HPSE2: variants seen among roughly 807,000 people sequenced by gnomAD.
The protein encoded by HPSE2 is inactive heparanase-2.
In HPSE2, 38 loss-of-function variants were observed where a neutral mutation model predicts 60.5. That is an observed-to-expected ratio of 0.63 (90% CI 0.48 to 0.82). The LOEUF is 0.82. Among genes scored for constraint, HPSE2 ranks in the 40% least tolerant of loss-of-function variants. The pLI is 0.00. For synonymous variants in HPSE2, 295 were observed against 293.2 expected, an observed-to-expected ratio of 1.01 and a Z score of -0.06; for missense variants, 713 against 740.4, an observed-to-expected ratio of 0.96 and a Z score of 0.43.
chr10:98,865,071 C>A (rs1952555714), intron 3 of HPSE2, among the ~76,000 whole-genome samples: 1 of 151,954 alleles, frequency 6.6e-6, no homozygotes. Context: ...AAAATGTTGG[C>A]ATTAAAAAGA....
the HPSE2 span, among the ~76,000 whole-genome samples, chr10:99,305,908 G>T: frequency 6.7e-6 from 1 of 149,204 alleles, no homozygotes; most frequent in East Asian, 2.0e-4. Context: ...CCTAACAGAA[G>T]ACAGGATAGT....
At chr10:98,852,158 T>TGG (rs1952196090) in intron 3 of HPSE2, among the ~76,000 whole-genome samples, 1 of 130,032 alleles carries the variant, frequency 7.7e-6, no homozygotes, top group Non-Finnish European at 1.6e-5. Flanking sequence ...TGTGTGTGTG[T>TGG]GTGTGTGTAT....
chr10:98,643,150 GC>G (rs2134039989), intron 6 of HPSE2, among the ~76,000 whole-genome samples: 1 of 152,266 alleles, frequency 6.6e-6, no homozygotes, highest in South Asian at 2.1e-4. Context: ...AGCAAATTTG[GC>G]TTTTAGCCAG....
chr10:98,848,395 G>A (rs917425412), intron 3 of HPSE2, among the ~76,000 whole-genome samples: 1 of 151,690 alleles, frequency 6.6e-6, no homozygotes, highest in Non-Finnish European at 1.5e-5. Flanking sequence ...TCCAGCCTGG[G>A]TGACAGATTG....
chr10:98,527,772 C>A (rs80246753), intron 9 of HPSE2, among the ~76,000 whole-genome samples: 4,833 of 152,216 alleles, frequency 0.032, 145 homozygotes, highest in African/African-American at 0.083. Context: ...ACAGTGTTGG[C>A]ACAAGGCTGG....
At chr10:98,665,412 A>C (rs561168827) in intron 6 of HPSE2, among the ~76,000 whole-genome samples, 1 of 152,310 alleles carries the variant, frequency 6.6e-6, no homozygotes, top group South Asian at 2.1e-4. Flanking sequence ...GGATGTGGAC[A>C]TGCAAATTCA....
intron 3 of HPSE2, among the ~76,000 whole-genome samples, chr10:98,767,178 G>C (rs1204029759): frequency 6.6e-6 from 1 of 152,076 alleles, no homozygotes; most frequent in Non-Finnish European, 1.5e-5. Flanking sequence ...TCTCTCTCCA[G>C]AGAAGCTTTT....
At chr10:98,751,489 T>G (rs894406403) in intron 3 of HPSE2, among the ~76,000 whole-genome samples, 4 of 152,248 alleles carry the variant, frequency 2.6e-5, no homozygotes, top group African/African-American at 9.6e-5. Flanking sequence ...TTTATTCTTT[T>G]GCAACCTTCA....
In HPSE2 at chr10:99,218,067, G is replaced by A. The variant is rs147709762; in HGVS notation, c.448+14281C>T. Among the ~76,000 whole-genome samples, 315 of 152,084 alleles carry A rather than the reference G, an allele frequency of 2.1e-3. 2 individuals are homozygous for A. Among genetic ancestry groups the A allele is most frequent in the Non-Finnish European group, 2.5e-3 (173 of 67,968 alleles). On this transcript the variant is annotated intron_variant, in intron 2 of 11. Coordinates refer to ENST00000370552, the MANE Select transcript of HPSE2 (RefSeq NM_021828.5). Reference sequence around the variant, plus strand: ...GGTCCAGTACTTGTAACATTTAAGTGATCAACAAATGGTAGTTATTATTAT... The same window carrying A: ...GGTCCAGTACTTGTAACATTTAAGTAATCAACAAATGGTAGTTATTATTAT...
chr10:99,104,702 C>T (rs61219490), intron 3 of HPSE2, among the ~76,000 whole-genome samples: 1,718 of 152,172 alleles, frequency 0.011, 35 homozygotes, highest in African/African-American at 0.039. Flanking sequence ...GAAAATATGG[C>T]ACATATACAC....
At chr10:98,568,324 T>A (rs767370246) in intron 9 of HPSE2, among the ~76,000 whole-genome samples, 3 of 152,164 alleles carry the variant, frequency 2.0e-5, no homozygotes, top group Non-Finnish European at 4.4e-5. Context: ...CAATTGTTAA[T>A]CTATAAAAAT....
At chr10:99,249,620 G>A in the HPSE2 span, among the ~76,000 whole-genome samples, 14 of 152,310 alleles carry the variant, frequency 9.2e-5, 1 homozygote, top group South Asian at 1.0e-3. Flanking sequence ...TTGGGAGACT[G>A]TTAAGAAGGG....
chr10:98,619,539 T>C (rs1295362351), intron 8 of HPSE2, among the ~76,000 whole-genome samples: 3 of 152,236 alleles, frequency 2.0e-5, no homozygotes, highest in South Asian at 2.1e-4. Flanking sequence ...GCTGTGAATA[T>C]AGAACAAGGC....
intron 9 of HPSE2, among the ~76,000 whole-genome samples, chr10:98,596,506 A>G (rs1210232610): frequency 1.3e-5 from 2 of 149,892 alleles, no homozygotes; most frequent in Admixed American, 6.7e-5. Flanking sequence ...TCCCTTTAGC[A>G]TTTTTGCTAA....
At chr10:98,737,854 T>C (rs999927956) in intron 4 of HPSE2, among the ~76,000 whole-genome samples, 2 of 152,178 alleles carry the variant, frequency 1.3e-5, no homozygotes, top group African/African-American at 2.4e-5. Flanking sequence ...AAACCTTCCA[T>C]ACTCATGAAT....
chr10:99,143,483 AAAGTTTATTTGG>A (rs1457463145), intron 3 of HPSE2, among the ~76,000 whole-genome samples: 2 of 152,194 alleles, frequency 1.3e-5, no homozygotes, highest in Admixed American at 1.3e-4. Flanking sequence ...TTGATTTGTT[AAAGTTTATTTGG>A]ATCACTATAA....
intron 4 of HPSE2, among the ~76,000 whole-genome samples, chr10:98,738,895 AT>A (rs1254861638): frequency 1.3e-5 from 2 of 152,282 alleles, no homozygotes; most frequent in East Asian, 3.9e-4. Context: ...TAGTTCAACC[AT>A]TGTGGAAGAC....
chr10:99,052,603 A>G (rs1029959606), intron 3 of HPSE2, among the ~76,000 whole-genome samples: 3 of 152,086 alleles, frequency 2.0e-5, no homozygotes, highest in Non-Finnish European at 2.9e-5. Context: ...CATAAAGAGA[A>G]CCACACACAG....
chr10:98,731,535 C>T lies in HPSE2; in HGVS notation c.785-9707G>A, dbSNP rs530290292. Among the ~76,000 whole-genome samples the T allele has an allele frequency of 2.0e-5, 3 of 152,266 alleles. No individual in the cohort carries two copies. In the South Asian group the frequency reaches 6.2e-4, roughly 32 times the overall value. ...CAAAACTAAATTATCATCTCAATAGCTGCAACAACACCACCAAAACTCATC... is the reference window on the plus strand; with the variant it reads ...CAAAACTAAATTATCATCTCAATAGTTGCAACAACACCACCAAAACTCATC... On this transcript the variant is annotated intron_variant, in intron 4 of 11. Coordinates refer to ENST00000370552, the MANE Select transcript of HPSE2 (RefSeq NM_021828.5).
Sources: gnomAD v4.1 joint callset for allele counts (sites outside exome capture counted in the v4.1 genomes callset) on GRCh38, gnomAD v4.1.1 for gene constraint, MANE v1.5 for transcripts, NCBI Gene and HGNC (gene_info 2026-07-23, HGNC 2026-07-21) for gene names.